Variants in AMZ1 observed in about 807,000 individuals in gnomAD.
AMZ1 encodes the protein archaemetzincin-1.
Under a neutral mutation model 29.9 loss-of-function variants are expected in AMZ1, and 39 were observed. The ratio of observed to expected loss-of-function variants is 1.30; its 90% CI spans 1.01 to 1.70. The LOEUF (loss-of-function observed/expected upper bound fraction) is 1.70, where lower values mean the gene tolerates loss of function less well. Ranked by LOEUF, AMZ1 falls within the 40% of genes most tolerant of loss-of-function variation. AMZ1 has a pLI of 0.00. For missense variants in AMZ1, 1,041 were observed against 680.6 expected, an observed-to-expected ratio of 1.53 and a Z score of -5.89; for synonymous variants, 458 against 304.0, an observed-to-expected ratio of 1.51 and a Z score of -5.27.
intron 4 of AMZ1, among the ~76,000 whole-genome samples, chr7:2,734,383 C>T (rs547639832): frequency 2.8e-4 from 43 of 152,198 alleles, no homozygotes; most frequent in African/African-American, 2.7e-4. Context: ...CACCAGCAGG[C>T]GGGGTCAAGG....
Position 2,712,595 on chromosome 7 carries a change from A to G in AMZ1, c.1214A>G (p.Lys405Arg). Residue 405 changes from lysine (K) to arginine (R), a missense_variant, in exon 7 of 7, where the codon AAG (lysine) becomes AGG (arginine). Transcript: ENST00000683327. ...LPPGGPAEAI[K>R]EHERWLAMCI... ...CCTGGGGGCCCTGCGGAGGCCATCAAGGAGCATGAACGGTGGCTGGCCATG... is the reference window on the plus strand; with the variant it reads ...CCTGGGGGCCCTGCGGAGGCCATCAGGGAGCATGAACGGTGGCTGGCCATG... 6.2e-7 allele frequency: 1 copy of G among 1,612,668 alleles called. No individual in the cohort carries two copies.
intron 4 of AMZ1, among the ~76,000 whole-genome samples, chr7:2,750,238 T>C (rs1330383031): frequency 2.0e-5 from 3 of 152,170 alleles, no homozygotes; most frequent in African/African-American, 7.2e-5. Flanking sequence ...CCAGCTCTGC[T>C]TAGACCCATC....
chr7:2,700,390 C>T lies in AMZ1; in HGVS notation c.-62C>T. On this transcript the variant is annotated 5_prime_UTR_variant, in exon 2 of 7. Transcript: ENST00000683327. ...ATTCTGGACGAGACCGTGGCCGTCC[C>T]CCGGGTGGCCCATGGACAGCAGCAG... is the stretch of plus-strand genomic sequence containing the variant. 8.4e-6 allele frequency: 13 copies of T among 1,545,594 alleles called. No individual in the cohort carries two copies. Among genetic ancestry groups the T allele is most frequent in the Non-Finnish European group, 1.1e-5 (13 of 1,149,204 alleles).
Position 2,700,238 on chromosome 7 carries a change from C to T in AMZ1, c.-214C>T. 1 of 600,392 alleles carries T rather than the reference C, an allele frequency of 1.7e-6. No homozygotes were observed. Among genetic ancestry groups the T allele is most frequent in the Non-Finnish European group, 2.9e-6 (1 of 341,562 alleles). The allele number at this position is 600,392 out of a possible 1,614,324, so 37.2% of individuals were successfully genotyped here. A position where few individuals can be genotyped will look rare whatever the true frequency, so the allele number is the denominator to read the frequency against. On this transcript the variant is annotated 5_prime_UTR_variant, in exon 2 of 7. Coordinates refer to ENST00000683327, the MANE Select transcript of AMZ1 (RefSeq NM_001384743.1). ...CCCTGTTCGTGTCATCCACAGGGTG[C>T]TGTGGGCCCAGAAGCGCCCATGCCT...
rs1401814312 is a variant in AMZ1 at position 2,700,682 on chromosome 7, C to T, written c.231C>T (p.Phe77=). ...GCCGACCCGAGGCTCCCGAGGACTT[C>T]CAGACCTTCCACGCCTCCCTGCAGC... is the stretch of plus-strand genomic sequence containing the variant. The part of the protein sequence containing the change: ...LLSRPEAPED[F]QTFHASLQHR... Residue 77 remains phenylalanine, a synonymous_variant, in exon 2 of 7, where the codon TTC becomes TTT. Transcript: ENST00000683327. 1 of 1,612,958 alleles carries T rather than the reference C, an allele frequency of 6.2e-7. No homozygotes were observed. Among genetic ancestry groups the T allele is most frequent in the Non-Finnish European group, 8.5e-7 (1 of 1,180,030 alleles).
At chr7:2,735,033 A>AG (rs1319244389) in intron 4 of AMZ1, among the ~76,000 whole-genome samples, 1 of 152,196 alleles carries the variant, frequency 6.6e-6, no homozygotes, top group Non-Finnish European at 1.5e-5. Context: ...GGCTGTGCCA[A>AG]GTCCCCCCGG....
intron 4 of AMZ1, among the ~76,000 whole-genome samples, chr7:2,753,543 A>T (rs1791139177): frequency 6.6e-6 from 1 of 152,038 alleles, no homozygotes; most frequent in Non-Finnish European, 1.5e-5. Flanking sequence ...CTGCTGGGAG[A>T]ATTCCATGGT....
rs61743920 is a variant in AMZ1, at chr7:2,712,392, G to A, written c.1011G>A (p.Pro337=). 2.3e-3 allele frequency: 3,672 copies of A among 1,610,246 alleles called. 51 individuals are homozygous for A. In the African/African-American group the frequency reaches 0.037, roughly 16 times the overall value. ...GGCCCAGCCAGGAGGCGGGGGAGCC[G>A]TCAGTGTGGGAGGACACCCCGCCTG... ...GTWPSQEAGE[P]SVWEDTPPAS... The change falls in exon 7 of 7, where the codon CCG becomes CCA. Residue 337 remains proline, a synonymous_variant. Transcript: ENST00000683327.
chr7:2,762,922 G>A, upstream of AMZ1: 1 of 1,409,780 alleles, frequency 7.1e-7, no homozygotes, highest in Non-Finnish European at 9.3e-7. Context: ...GCCACAGGCG[G>A]GGACGCCCCA....
upstream of AMZ1, among the ~76,000 whole-genome samples, chr7:2,683,207 C>T (rs566477568): frequency 1.7e-4 from 26 of 152,318 alleles, no homozygotes; most frequent in African/African-American, 7.2e-5. Context: ...CACAGCTGTG[C>T]GGCTTCAAAC....
intron 4 of AMZ1, among the ~76,000 whole-genome samples, chr7:2,732,561 A>G (rs1252144367): frequency 6.6e-6 from 1 of 152,168 alleles, no homozygotes. Flanking sequence ...ATCGAAAAAC[A>G]AAACAGAACA....
intron 4 of AMZ1, among the ~76,000 whole-genome samples, chr7:2,725,560 TC>T: frequency 6.6e-6 from 1 of 152,166 alleles, no homozygotes; most frequent in Admixed American, 6.5e-5. Flanking sequence ...ATAGGGCAGG[TC>T]TCAGTGACCT....
At chr7:2,735,964 T>C (rs754614052) in intron 4 of AMZ1, among the ~76,000 whole-genome samples, 2 of 152,216 alleles carry the variant, frequency 1.3e-5, no homozygotes, top group Non-Finnish European at 2.9e-5. Context: ...GCACTCTTGC[T>C]GTCCCTGAGG....
At chr7:2,744,472 G>A (rs529616133) in intron 4 of AMZ1, among the ~76,000 whole-genome samples, 48 of 152,212 alleles carry the variant, frequency 3.2e-4, no homozygotes, top group African/African-American at 1.2e-3. Context: ...TCTGTTAGAA[G>A]GAAAACTAAC....
intron 2 of AMZ1, among the ~76,000 whole-genome samples, 159 bp downstream of exon 2, chr7:2,700,914 G>A (rs545804269): frequency 7.9e-5 from 12 of 152,304 alleles, no homozygotes; most frequent in African/African-American, 2.9e-4. Flanking sequence ...GGTCCTGGCT[G>A]GGCCAAGGCT....
At chr7:2,734,723 T>G (rs1790071804) in intron 4 of AMZ1, among the ~76,000 whole-genome samples, 1 of 152,200 alleles carries the variant, frequency 6.6e-6, no homozygotes, top group Non-Finnish European at 1.5e-5. Flanking sequence ...AAAGTGAGTG[T>G]TTTGTTTGAG....
At chr7:2,707,818 CTTTTTTTTTTT>C (rs60848680) in intron 3 of AMZ1, among the ~76,000 whole-genome samples, 8 of 95,340 alleles carry the variant, frequency 8.4e-5, no homozygotes, top group Admixed American at 3.7e-4. Context: ...CTAACGAGGG[CTTTTTTTTTTT>C]TTTTTTTTTT....
At chr7:2,729,663 G>T in intron 4 of AMZ1, 1 of 152,340 alleles carries the variant, frequency 6.6e-6, no homozygotes, top group East Asian at 1.9e-4. Flanking sequence ...TCGGGGCTCG[G>T]GGCAGCACGG....
intron 4 of AMZ1, among the ~76,000 whole-genome samples, chr7:2,732,359 C>A (rs369938940): frequency 2.0e-5 from 3 of 152,212 alleles, no homozygotes; most frequent in African/African-American, 7.2e-5. Context: ...ACAGCCTGGG[C>A]AACATAGTAA....
Sources: allele counts gnomAD v4.1 joint callset (sites outside exome capture counted in the v4.1 genomes callset), GRCh38; gene constraint gnomAD v4.1.1; transcripts MANE v1.5; gene names NCBI Gene and HGNC (gene_info 2026-07-23, HGNC 2026-07-21).